The following CACNG2 variants were observed in gnomAD, a reference collection of about 807,000 sequenced individuals.
CACNG2 encodes voltage-dependent calcium channel gamma-2 subunit.
A neutral mutation model predicts 25.9 loss-of-function variants in CACNG2; 3 were observed. The observed-to-expected ratio is 0.12, with a 90% CI of 0.05 to 0.30. The LOEUF is 0.30. CACNG2 is among the 10% of genes least tolerant of loss of function. CACNG2 has a pLI of 1.00. For missense variants in CACNG2, 341 were observed against 432.5 expected (o/e 0.79, Z 1.88); for synonymous variants, 167 against 173.3 (o/e 0.96, Z 0.29).
At chr22:36,685,494 AC>A (rs1364517886) in intron 1 of CACNG2, among the ~76,000 whole-genome samples, 4 of 149,712 alleles carry the variant, frequency 2.7e-5, no homozygotes, top group South Asian at 4.3e-4. Flanking sequence ...GGCTTCCTTT[AC>A]CCCCATCGCT....
chr22:36,602,440 C>T (rs1160899354), intron 1 of CACNG2, among the ~76,000 whole-genome samples: 1 of 152,028 alleles, frequency 6.6e-6, no homozygotes, highest in Admixed American at 6.5e-5. Context: ...GGCTGGAGTG[C>T]AGTGGTGCGA....
intron 1 of CACNG2, among the ~76,000 whole-genome samples, chr22:36,604,472 A>G (rs1935801320): frequency 6.6e-6 from 1 of 152,246 alleles, no homozygotes; most frequent in Non-Finnish European, 1.5e-5. Flanking sequence ...AAAATATATC[A>G]AACAATATCA....
intron 1 of CACNG2, among the ~76,000 whole-genome samples, chr22:36,609,967 G>A (rs1935910868): frequency 6.6e-6 from 1 of 151,514 alleles, no homozygotes; most frequent in Admixed American, 6.6e-5. Context: ...CCCAGAGCGT[G>A]ACCGGGCAGG....
intron 1 of CACNG2, among the ~76,000 whole-genome samples, chr22:36,622,346 A>T (rs1449796214): frequency 1.3e-5 from 2 of 152,220 alleles, no homozygotes; most frequent in Non-Finnish European, 2.9e-5. Context: ...TTCTGATTCA[A>T]TGGATTTGGG....
intron 1 of CACNG2, among the ~76,000 whole-genome samples, chr22:36,620,631 G>A (rs756472006): frequency 3.9e-5 from 6 of 152,102 alleles, no homozygotes; most frequent in East Asian, 1.9e-4. Context: ...TAATTTCTCC[G>A]CACCTTTTTT....
Position 36,701,071 on chromosome 22 carries a change from T to A in CACNG2, c.211+1295A>T, listed in dbSNP as rs529013675. Among the ~76,000 whole-genome samples, 10 of 152,156 alleles carry A rather than the reference T, an allele frequency of 6.6e-5. No homozygotes were observed. In the South Asian group the frequency reaches 2.1e-3, roughly 32 times the overall value. On this transcript the variant is annotated intron_variant, in intron 1 of 3. Coordinates refer to ENST00000300105, the MANE Select transcript of CACNG2 (RefSeq NM_006078.5). Reference sequence around the variant, plus strand: ...ATCCATTTCCCTCTCTTCTCCCCCATCTCCTAGTCTCAACTCCCTGCATCA... The same window carrying A: ...ATCCATTTCCCTCTCTTCTCCCCCAACTCCTAGTCTCAACTCCCTGCATCA...
intron 2 of CACNG2, among the ~76,000 whole-genome samples, chr22:36,572,712 C>CAAA: frequency 8.9e-6 from 1 of 111,870 alleles, no homozygotes; most frequent in Admixed American, 9.4e-5. Context: ...GACTCCATCT[C>CAAA]AAAAAAAAAA....
intron 1 of CACNG2, among the ~76,000 whole-genome samples, chr22:36,607,717 A>C (rs1935865871): frequency 6.6e-6 from 1 of 152,144 alleles, no homozygotes; most frequent in South Asian, 2.1e-4. Flanking sequence ...CAGGCCAAAG[A>C]CACACCCCTG....
intron 1 of CACNG2, among the ~76,000 whole-genome samples, chr22:36,604,358 A>G (rs1042177201): frequency 6.6e-6 from 1 of 152,214 alleles, no homozygotes; most frequent in Non-Finnish European, 1.5e-5. Context: ...ACATCACTGA[A>G]ATGATGATAA....
Position 36,564,814 on chromosome 22 carries a change from T to C in CACNG2, c.509A>G (p.Lys170Arg), listed in dbSNP as rs779915321. The change falls in exon 4 of 4, where the codon AAA (lysine) becomes AGA (arginine). Residue 170 changes from lysine (K) to arginine (R), a missense_variant. Physicochemically the swap from Lys to Arg is conservative, Grantham distance 26. This residue lies in a region of CACNG2 where 169 missense variants were observed against 254.4 expected (regional missense o/e 0.66). Coordinates refer to ENST00000300105, the MANE Select transcript of CACNG2 (RefSeq NM_006078.5). This position sits in a 1 kb window ranked among gnomAD's most constrained non-coding sequence, Gnocchi z 6.7. ...NAGDPSKSDS[K>R]KNSYSYGWSF... ...CCAGCCGTATGAGTAACTATTCTTTTTGGAGTCGCTCTTGGAGGGGTCTCC... is the reference window on the plus strand; with the variant it reads ...CCAGCCGTATGAGTAACTATTCTTTCTGGAGTCGCTCTTGGAGGGGTCTCC... 1 of 1,614,210 alleles carries C rather than the reference T, an allele frequency of 6.2e-7. No individual in the cohort carries two copies. The highest frequency in any genetic ancestry group is 8.5e-7 in the Non-Finnish European group (1 of 1,180,052).
At chr22:36,586,137 G>C (rs1935499109) in intron 2 of CACNG2, among the ~76,000 whole-genome samples, 1 of 152,222 alleles carries the variant, frequency 6.6e-6, no homozygotes, top group Non-Finnish European at 1.5e-5. Context: ...AAGTTGAGCT[G>C]TTTTTCCAAG....
Position 36,572,211 on chromosome 22 carries a change from G to C in CACNG2, c.296-5718C>G, listed in dbSNP as rs141607650. Among the ~76,000 whole-genome samples, 43 of 152,288 alleles carry C rather than the reference G, an allele frequency of 2.8e-4. No individual in the cohort carries two copies. In the East Asian group the frequency reaches 8.3e-3, roughly 29 times the overall value. ...TGTACCAGGCCTTGTTCTAAGAGCG[G>C]TGTAAACCTCATACCAGCCCCATGA... On this transcript the variant is annotated intron_variant, in intron 2 of 3. Transcript: ENST00000300105.
Position 36,624,054 on chromosome 22 carries a change from C to T in CACNG2, c.212-36506G>A, listed in dbSNP as rs1021097053. Among the ~76,000 whole-genome samples, 3 of 152,168 alleles carry T rather than the reference C, an allele frequency of 2.0e-5. No homozygotes were observed. In the East Asian group the frequency reaches 5.8e-4, roughly 29 times the overall value. On this transcript the variant is annotated intron_variant, in intron 1 of 3. Coordinates refer to ENST00000300105, the MANE Select transcript of CACNG2 (RefSeq NM_006078.5). Reference sequence around the variant, plus strand: ...CTCCTCACCTCATCTCATTAATATGCATCTGTTCTTACAGCCTTAGGGATC... The same window carrying T: ...CTCCTCACCTCATCTCATTAATATGTATCTGTTCTTACAGCCTTAGGGATC...
At chr22:36,631,050 C>T (rs546614724) in intron 1 of CACNG2, among the ~76,000 whole-genome samples, 2 of 152,216 alleles carry the variant, frequency 1.3e-5, no homozygotes, top group South Asian at 2.1e-4. Flanking sequence ...AGGCTGTTCT[C>T]GAACTCCTGA....
Position 36,636,414 on chromosome 22 carries a change from C to T in CACNG2, c.212-48866G>A, listed in dbSNP as rs141087799. Among the ~76,000 whole-genome samples, 142 of 152,272 alleles carry T rather than the reference C, an allele frequency of 9.3e-4. 1 individual carries two copies. Among genetic ancestry groups the T allele is most frequent in the Admixed American group, 3.0e-3 (46 of 15,302 alleles). On this transcript the variant is annotated intron_variant, in intron 1 of 3. Transcript: ENST00000300105. ...ATGTTGCGCCTAGATCAGGTTCCCCCGGGACCAGCTTCTGTGGCATACACA... is the reference window on the plus strand; with the variant it reads ...ATGTTGCGCCTAGATCAGGTTCCCCTGGGACCAGCTTCTGTGGCATACACA...
At chr22:36,628,550 G>A (rs967720795) in intron 1 of CACNG2, among the ~76,000 whole-genome samples, 1 of 152,178 alleles carries the variant, frequency 6.6e-6, no homozygotes, top group African/African-American at 2.4e-5. Flanking sequence ...GGTTTTATCC[G>A]TGGACATTTC....
At chr22:36,651,980 C>A (rs955789710) in intron 1 of CACNG2, among the ~76,000 whole-genome samples, 1 of 152,184 alleles carries the variant, frequency 6.6e-6, no homozygotes, top group Non-Finnish European at 1.5e-5. Context: ...TCTCCTGCCT[C>A]AGCCTCCCAA....
At chr22:36,680,869 T>C (rs796216035) in intron 1 of CACNG2, among the ~76,000 whole-genome samples, 35 of 142,142 alleles carry the variant, frequency 2.5e-4, no homozygotes, top group African/African-American at 8.6e-4. Context: ...ACCATCACCA[T>C]CACTATCACC....
Position 36,563,253 on chromosome 22 carries a change from A to G in CACNG2, c.*1098T>C, listed in dbSNP as rs1389592762. ...CCAAGGACCCCCAAAGGGTCAATGA[A>G]CCCCCTTCCCAGGGGACTGGGGGGC... On this transcript the variant is annotated 3_prime_UTR_variant, in exon 4 of 4. Coordinates refer to ENST00000300105, the MANE Select transcript of CACNG2 (RefSeq NM_006078.5). 6.6e-6 allele frequency among the ~76,000 whole-genome samples: 1 copy of G among 151,794 alleles called. No individual in the cohort carries two copies. The highest frequency in any genetic ancestry group is 1.5e-5 in the Non-Finnish European group (1 of 67,914).
Sources: allele counts gnomAD v4.1 joint callset (sites outside exome capture counted in the v4.1 genomes callset), GRCh38; gene constraint gnomAD v4.1.1; regional missense constraint gnomAD v4.1.1; non-coding constraint Gnocchi (gnomAD v3.1); transcripts MANE v1.5; gene names NCBI Gene and HGNC (gene_info 2026-07-23, HGNC 2026-07-21).